UBE2E2: variants seen among roughly 807,000 people sequenced by gnomAD.
The protein encoded by UBE2E2 is ubiquitin conjugating enzyme E2 E2.
A neutral mutation model predicts 24.7 loss-of-function variants in UBE2E2; 6 were observed. That is an observed-to-expected ratio of 0.24 (90% CI 0.13 to 0.48). The LOEUF is 0.48. UBE2E2 is among the 20% of genes least tolerant of loss of function. UBE2E2 has a pLI of 0.99. For missense variants in UBE2E2, 169 were observed against 245.0 expected, an observed-to-expected ratio of 0.69 and a Z score of 2.07; for synonymous variants, 104 against 83.6, an observed-to-expected ratio of 1.24 and a Z score of -1.33.
intron 3 of UBE2E2, among the ~76,000 whole-genome samples, chr3:23,351,896 A>G (rs1002925283): frequency 3.9e-5 from 6 of 152,214 alleles, no homozygotes; most frequent in Non-Finnish European, 7.3e-5. Context: ...ATAGACATCT[A>G]CAGAGCTCTC....
intron 3 of UBE2E2, among the ~76,000 whole-genome samples, chr3:23,264,287 A>G (rs1447520599): frequency 6.6e-6 from 1 of 152,056 alleles, no homozygotes; most frequent in Admixed American, 6.5e-5. Context: ...TTTAGGTTAC[A>G]CAGCTATTAT....
chr3:23,310,743 C>T (rs1694355768), intron 3 of UBE2E2, among the ~76,000 whole-genome samples: 1 of 152,100 alleles, frequency 6.6e-6, no homozygotes, highest in Non-Finnish European at 1.5e-5. Flanking sequence ...TACATGCATG[C>T]ATACTCATAC....
At chr3:23,393,349 A>G (rs1298438709) in intron 3 of UBE2E2, among the ~76,000 whole-genome samples, 1 of 152,204 alleles carries the variant, frequency 6.6e-6, no homozygotes, top group Admixed American at 6.5e-5. Flanking sequence ...GGAATGTCCT[A>G]AGAAGATGCT....
rs143405833 is a variant in UBE2E2, at chr3:23,586,607, A to G, written c.509-3127A>G. Reference sequence around the variant, plus strand: ...GCCATCTGACCCAGCCAATAACATGATTTTTTTAATTCCTTCATTGTGTAT... The same window carrying G: ...GCCATCTGACCCAGCCAATAACATGGTTTTTTTAATTCCTTCATTGTGTAT... On this transcript the variant is annotated intron_variant, in intron 5 of 5. Transcript: ENST00000396703. Among the ~76,000 whole-genome samples, 27 of 152,150 alleles carry G rather than the reference A, an allele frequency of 1.8e-4. No homozygotes were observed. The South Asian group carries it at 2.1e-3, about 12-fold the overall frequency.
chr3:23,487,239 G>C (rs1056817983), intron 3 of UBE2E2, among the ~76,000 whole-genome samples: 3 of 152,306 alleles, frequency 2.0e-5, no homozygotes, highest in Admixed American at 1.3e-4. Flanking sequence ...ACTGGAGCAG[G>C]TGCTGGGATT....
At chr3:23,486,243 C>T (rs957456596) in intron 3 of UBE2E2, among the ~76,000 whole-genome samples, 14 of 152,152 alleles carry the variant, frequency 9.2e-5, no homozygotes, top group Admixed American at 7.2e-4. Context: ...GTGCCAGCTC[C>T]GTGCAAGGCT....
At chr3:23,375,332 C>G (rs893836541) in intron 3 of UBE2E2, among the ~76,000 whole-genome samples, 1 of 152,142 alleles carries the variant, frequency 6.6e-6, no homozygotes, top group African/African-American at 2.4e-5. Flanking sequence ...TAGTAAATCA[C>G]TTTTTAACTT....
At chr3:23,438,151 T>C (rs755328511) in intron 3 of UBE2E2, among the ~76,000 whole-genome samples, 7 of 152,162 alleles carry the variant, frequency 4.6e-5, no homozygotes, top group Non-Finnish European at 1.0e-4. Flanking sequence ...TTTAACTTGA[T>C]TCAGGTGGGA....
intron 4 of UBE2E2, among the ~76,000 whole-genome samples, chr3:23,513,742 T>C (rs1344267925): frequency 6.6e-6 from 1 of 152,206 alleles, no homozygotes; most frequent in Non-Finnish European, 1.5e-5. Context: ...TTGACCTTTA[T>C]GAATCTGATA....
At chr3:23,214,776 A>T (rs1212088174) in intron 2 of UBE2E2, among the ~76,000 whole-genome samples, 1 of 152,092 alleles carries the variant, frequency 6.6e-6, no homozygotes, top group Non-Finnish European at 1.5e-5. Flanking sequence ...CAAAGTAAAC[A>T]GTACATAGAT....
chr3:23,531,415 T>C (rs896831169), intron 4 of UBE2E2, among the ~76,000 whole-genome samples: 1 of 152,230 alleles, frequency 6.6e-6, no homozygotes, highest in African/African-American at 2.4e-5. Context: ...ATAACACTTT[T>C]ATTAAACAGT....
chr3:23,453,583 G>A (rs1698613765), intron 3 of UBE2E2, among the ~76,000 whole-genome samples: 3 of 152,100 alleles, frequency 2.0e-5, no homozygotes, highest in Admixed American at 2.0e-4. Flanking sequence ...TACAACAGTG[G>A]TTTGAGGATA....
At chr3:23,401,478 T>C (rs1019642444) in intron 3 of UBE2E2, among the ~76,000 whole-genome samples, 10 of 152,164 alleles carry the variant, frequency 6.6e-5, no homozygotes, top group African/African-American at 2.2e-4. Flanking sequence ...CAAGATCACC[T>C]TGTATGTGAA....
At chr3:23,491,925 G>A (rs1173619216) in intron 3 of UBE2E2, among the ~76,000 whole-genome samples, 1 of 152,164 alleles carries the variant, frequency 6.6e-6, no homozygotes, top group African/African-American at 2.4e-5. Flanking sequence ...GATTCAACAG[G>A]ATTTGGGGGA....
At chr3:23,473,740 C>A (rs1699072979) in intron 3 of UBE2E2, among the ~76,000 whole-genome samples, 1 of 152,060 alleles carries the variant, frequency 6.6e-6, no homozygotes, top group Non-Finnish European at 1.5e-5. Flanking sequence ...TTAATTAATT[C>A]CTTTTTATGG....
At chr3:23,449,919 C>G in intron 3 of UBE2E2, 1 of 985,398 alleles carries the variant, frequency 1.0e-6, no homozygotes, top group Non-Finnish European at 1.2e-6. Context: ...GGGGACCCCT[C>G]CCCCTAGTGA....
intron 3 of UBE2E2, among the ~76,000 whole-genome samples, chr3:23,451,093 T>C (rs889354598): frequency 2.6e-5 from 4 of 152,338 alleles, no homozygotes; most frequent in Admixed American, 6.5e-5. Flanking sequence ...TCTGCAACTA[T>C]TGTAAAACTT....
intron 3 of UBE2E2, among the ~76,000 whole-genome samples, chr3:23,376,246 T>G (rs1696518462): frequency 6.6e-6 from 1 of 152,202 alleles, no homozygotes; most frequent in African/African-American, 2.4e-5. Flanking sequence ...ATTGTGTTGC[T>G]TTTGAGGAGC....
intron 3 of UBE2E2, among the ~76,000 whole-genome samples, chr3:23,432,295 TATC>T (rs1698079474): frequency 6.6e-6 from 1 of 152,114 alleles, no homozygotes; most frequent in African/African-American, 2.4e-5. Flanking sequence ...AGCTGAAAGG[TATC>T]ATAAGTGCAA....
Sources: allele counts gnomAD v4.1 joint callset (sites outside exome capture counted in the v4.1 genomes callset), GRCh38; gene constraint gnomAD v4.1.1; transcripts MANE v1.5; gene names NCBI Gene and HGNC (gene_info 2026-07-23, HGNC 2026-07-21).